The following DENND2B variants were observed in gnomAD, a reference collection of about 807,000 sequenced individuals.
The protein encoded by DENND2B is DENN domain-containing protein 2B.
Under a neutral mutation model 116.0 loss-of-function variants are expected in DENND2B, and 32 were observed. The ratio of observed to expected loss-of-function variants is 0.28; its 90% CI spans 0.21 to 0.37. The LOEUF (loss-of-function observed/expected upper bound fraction) is 0.37, where lower values mean the gene tolerates loss of function less well. Ranked by LOEUF, DENND2B falls within the 10% of genes least tolerant of loss-of-function variation. The probability of loss-of-function intolerance (pLI) is 1.00; values close to 1 mark genes in which losing one functional copy is unlikely to be tolerated. For synonymous variants in DENND2B, 588 were observed against 583.9 expected (o/e 1.01, Z -0.10); for missense variants, 1,276 against 1,477.7 (o/e 0.86, Z 2.24).
rs569320710 is a variant in DENND2B at position 8,702,417 on chromosome 11, G to T, written c.2720+155C>A. Among the ~76,000 whole-genome samples, 559 of 152,186 alleles carry T rather than the reference G, an allele frequency of 3.7e-3. 4 individuals are homozygous for T. Among genetic ancestry groups the T allele is most frequent in the Non-Finnish European group, 5.8e-3 (397 of 67,992 alleles). ...AACCCTGCTCCCTCACCCACACAGG[G>T]GTGCTACCTTTCCACCTAGTCTTCC... is the stretch of plus-strand genomic sequence containing the variant. On this transcript the variant is annotated intron_variant, in intron 14 of 19. Transcript: ENST00000313726. The surrounding 1 kb of genome is among the most constrained non-coding windows in gnomAD (Gnocchi z 4.6).
chr11:8,754,681 T>A lies in DENND2B; in HGVS notation c.-25-3956A>T, dbSNP rs537885785. 6.4e-4 allele frequency among the ~76,000 whole-genome samples: 98 copies of A among 152,328 alleles called. 1 individual carries two copies. The highest frequency in any genetic ancestry group is 2.3e-3 in the African/African-American group (97 of 41,580). On this transcript the variant is annotated intron_variant, in intron 1 of 19. Coordinates refer to ENST00000313726, the MANE Select transcript of DENND2B (RefSeq NM_213618.2). ...AAAGTGGAACTAACCCAAATGTCCA[T>A]CAACTGATGATAAACAAAATGTGGT...
In DENND2B at chr11:8,693,798, C is replaced by G. The variant is rs759076058; in HGVS notation, c.*298G>C. 5.9e-6 allele frequency: 2 copies of G among 338,300 alleles called. No individual in the cohort carries two copies. The highest frequency in any genetic ancestry group is 5.4e-6 in the Non-Finnish European group (1 of 183,660). 21.0% of individuals were successfully genotyped at this position (338,300 alleles called of 1,614,324 possible). ...TCAGCTGCACAAAACTGGCCAGTCA[C>G]GAGCACCCAGCGAAACTTCATCCAT... On this transcript the variant is annotated 3_prime_UTR_variant, in exon 20 of 20. Coordinates refer to ENST00000313726, the MANE Select transcript of DENND2B (RefSeq NM_213618.2).
chr11:8,756,435 A>G (rs2134084815), intron 1 of DENND2B, among the ~76,000 whole-genome samples: 1 of 152,282 alleles, frequency 6.6e-6, no homozygotes, highest in East Asian at 1.9e-4. Context: ...CATGACAGGG[A>G]CCCTTAGTCA....
intron 1 of DENND2B, among the ~76,000 whole-genome samples, chr11:8,788,143 A>G (rs2059079495): frequency 6.6e-6 from 1 of 152,048 alleles, no homozygotes; most frequent in Admixed American, 6.5e-5. Flanking sequence ...CCCCTTCTCT[A>G]CTCAACCCAT....
chr11:8,869,200 C>T (rs1594311245), intron 2 of DENND2B, among the ~76,000 whole-genome samples: 2 of 152,180 alleles, frequency 1.3e-5, no homozygotes, highest in East Asian at 3.8e-4. Context: ...AATTACCAAG[C>T]CAATCCAATC....
chr11:8,734,140 A>T (rs1022494551), intron 2 of DENND2B, among the ~76,000 whole-genome samples: 2 of 152,200 alleles, frequency 1.3e-5, no homozygotes, highest in Non-Finnish European at 2.9e-5. Flanking sequence ...TGACATTCTC[A>T]CTTGAGGGTA....
At chr11:8,775,919 C>T (rs1196961873) in intron 1 of DENND2B, among the ~76,000 whole-genome samples, 2 of 152,092 alleles carry the variant, frequency 1.3e-5, no homozygotes, top group Non-Finnish European at 2.9e-5. Flanking sequence ...CCTCTCTGCT[C>T]ATAAGTGACA....
chr11:8,791,651 C>CACCT (rs1427923500), intron 1 of DENND2B, among the ~76,000 whole-genome samples: 2 of 151,896 alleles, frequency 1.3e-5, no homozygotes, highest in Non-Finnish European at 2.9e-5. Context: ...CCTGTAGTCC[C>CACCT]ACCTACTTGG....
At chr11:8,754,651 G>A (rs957551023) in intron 1 of DENND2B, among the ~76,000 whole-genome samples, 1 of 152,186 alleles carries the variant, frequency 6.6e-6, no homozygotes, top group African/African-American at 2.4e-5. Context: ...ACTCATAGTA[G>A]CCAAAAAGTG....
chr11:8,702,893 G>T lies in DENND2B; in HGVS notation c.2572-173C>A. ...TCTCCATCCCTCGGACTACAGCTCT[G>T]CTCTCGTAGCACTCGAACACCCAGC... On this transcript the variant is annotated intron_variant, in intron 13 of 19. Coordinates refer to ENST00000313726, the MANE Select transcript of DENND2B (RefSeq NM_213618.2). The surrounding 1 kb of genome is among the most constrained non-coding windows in gnomAD (Gnocchi z 4.6). 1.3e-6 allele frequency: 1 copy of T among 786,562 alleles called. No individual in the cohort carries two copies. Among genetic ancestry groups the T allele is most frequent in the Non-Finnish European group, 2.0e-6 (1 of 512,012 alleles). The allele number at this position is 786,562 out of a possible 1,614,324, so 48.7% of individuals were successfully genotyped here. A position where few individuals can be genotyped will look rare whatever the true frequency, so the allele number is the denominator to read the frequency against.
At chr11:8,734,791 C>CA (rs11339783) in intron 2 of DENND2B, among the ~76,000 whole-genome samples, 36,312 of 98,342 alleles carry the variant, frequency 0.37, 7,374 homozygotes, top group Non-Finnish European at 0.48. Flanking sequence ...ACAAGAGTCT[C>CA]AAAAAAAAAA....
chr11:8,856,515 G>A (rs888653124), intron 3 of DENND2B, among the ~76,000 whole-genome samples: 5 of 152,268 alleles, frequency 3.3e-5, no homozygotes, highest in Admixed American at 6.5e-5. Flanking sequence ...CTAGGCTTGA[G>A]CACAACTTAT....
intron 16 of DENND2B, 99 bp from the exon 17 acceptor site, chr11:8,697,735 A>G: frequency 2.6e-6 from 2 of 778,062 alleles, no homozygotes; most frequent in Non-Finnish European, 4.5e-6. Context: ...AATCTCATTT[A>G]TCTCTCCCAG....
Position 8,702,438 on chromosome 11 carries a change from C to A in DENND2B, c.2720+134G>T. Reference sequence around the variant, plus strand: ...CAGGGGTGCTACCTTTCCACCTAGTCTTCCATCTCCCTACGCACAGCCCCA... The same window carrying A: ...CAGGGGTGCTACCTTTCCACCTAGTATTCCATCTCCCTACGCACAGCCCCA... On this transcript the variant is annotated intron_variant, in intron 14 of 19. Transcript: ENST00000313726. The surrounding 1 kb of genome is among the most constrained non-coding windows in gnomAD (Gnocchi z 4.6). The A allele has an allele frequency of 7.6e-7, 1 of 1,308,014 alleles. No individual in the cohort carries two copies. Among genetic ancestry groups the A allele is most frequent in the Non-Finnish European group, 1.0e-6 (1 of 958,980 alleles). 81.0% of individuals were successfully genotyped at this position (1,308,014 alleles called of 1,614,324 possible). A position where few individuals can be genotyped will look rare whatever the true frequency, so the allele number is the denominator to read the frequency against.
intron 1 of DENND2B, 155 bp downstream of exon 1, chr11:8,810,362 T>G (rs530073715): frequency 6.6e-6 from 1 of 152,308 alleles, no homozygotes; most frequent in South Asian, 2.1e-4. Flanking sequence ...TCCCTCCTCC[T>G]TAAGCTAATA....
chr11:8,789,409 T>C (rs750341683), intron 1 of DENND2B, among the ~76,000 whole-genome samples: 1 of 152,150 alleles, frequency 6.6e-6, no homozygotes, highest in Non-Finnish European at 1.5e-5. Context: ...CACACACAGA[T>C]TACCTGCTAG....
chr11:8,853,826 G>A (rs1462005599), intron 3 of DENND2B, among the ~76,000 whole-genome samples: 4 of 151,706 alleles, frequency 2.6e-5, no homozygotes, highest in African/African-American at 9.7e-5. Context: ...TTTTTAGAAT[G>A]TACTGCAAAG....
At chr11:8,749,541 C>T (rs2051957620) in intron 2 of DENND2B, among the ~76,000 whole-genome samples, 1 of 152,208 alleles carries the variant, frequency 6.6e-6, no homozygotes, top group Non-Finnish European at 1.5e-5. Context: ...TGGGGAACCC[C>T]TGCCTCCTTC....
At chr11:8,856,165 A>G (rs1318953572) in intron 3 of DENND2B, among the ~76,000 whole-genome samples, 1 of 152,248 alleles carries the variant, frequency 6.6e-6, no homozygotes, top group Admixed American at 6.5e-5. Context: ...CATTAATAAC[A>G]TTTGATGCAA....
Sources: gnomAD v4.1 joint callset for allele counts (sites outside exome capture counted in the v4.1 genomes callset) on GRCh38, gnomAD v4.1.1 for gene constraint, Gnocchi (gnomAD v3.1) non-coding constraint, MANE v1.5 for transcripts, NCBI Gene and HGNC (gene_info 2026-07-23, HGNC 2026-07-21) for gene names.